Variants in LUZP2 observed in about 807,000 individuals in gnomAD.
LUZP2 encodes the protein leucine zipper protein 2.
In LUZP2, 52 loss-of-function variants were observed where a neutral mutation model predicts 51.6. The ratio of observed to expected loss-of-function variants is 1.01; its 90% confidence interval spans 0.81 to 1.27. The LOEUF (loss-of-function observed/expected upper bound fraction) is 1.27, where lower values mean the gene tolerates loss of function less well. LUZP2 is among the 50% of genes most tolerant of loss of function. The pLI is 0.00. For synonymous variants in LUZP2, 154 were observed against 137.3 expected, an observed-to-expected ratio of 1.12 and a Z score of -0.85; for missense variants, 436 against 395.4, an observed-to-expected ratio of 1.10 and a Z score of -0.87.
At chr11:24,726,758 A>G (rs1052904474) in intron 1 of LUZP2, among the ~76,000 whole-genome samples, 1 of 152,140 alleles carries the variant, frequency 6.6e-6, no homozygotes, top group African/African-American at 2.4e-5. Context: ...TCTAAGACAT[A>G]TGAAGCCAGT....
chr11:25,059,291 G>A (rs903859279), intron 10 of LUZP2, among the ~76,000 whole-genome samples: 3 of 152,114 alleles, frequency 2.0e-5, no homozygotes, highest in Non-Finnish European at 4.4e-5. Context: ...ATGAAAATTT[G>A]ACAATGAATT....
intron 4 of LUZP2, among the ~76,000 whole-genome samples, chr11:24,761,197 C>T (rs1859965844): frequency 6.6e-6 from 1 of 152,072 alleles, no homozygotes; most frequent in Non-Finnish European, 1.5e-5. Context: ...GGAAGCATAG[C>T]TGGGGAGGTC....
chr11:25,057,348 T>C (rs1867754), intron 10 of LUZP2, among the ~76,000 whole-genome samples: 55,680 of 151,846 alleles, frequency 0.37, 12,577 homozygotes, highest in East Asian at 0.78. Flanking sequence ...ACTTAGAAAA[T>C]GGCCCTCAGA....
intron 1 of LUZP2, among the ~76,000 whole-genome samples, chr11:24,551,397 AAT>A (rs1210726097): frequency 6.6e-6 from 1 of 152,078 alleles, no homozygotes; most frequent in Non-Finnish European, 1.5e-5. Flanking sequence ...AGTCCATAAG[AAT>A]ATAAAATGAT....
At chr11:25,064,179 C>G (rs1590890184) in intron 10 of LUZP2, among the ~76,000 whole-genome samples, 1 of 151,960 alleles carries the variant, frequency 6.6e-6, no homozygotes, top group Admixed American at 6.6e-5. Flanking sequence ...TATCATTCCA[C>G]CTGTACTGAT....
intron 5 of LUZP2, among the ~76,000 whole-genome samples, chr11:24,855,698 T>C (rs1008312323): frequency 1.3e-5 from 2 of 152,158 alleles, no homozygotes; most frequent in East Asian, 1.9e-4. Flanking sequence ...GAAGGCATCG[T>C]ATTACCTGAT....
chr11:24,878,460 G>A (rs557722310), intron 5 of LUZP2, among the ~76,000 whole-genome samples: 1 of 152,054 alleles, frequency 6.6e-6, no homozygotes, highest in African/African-American at 2.4e-5. Context: ...TTCTCTTGCT[G>A]CTTTTAGGAT....
At chr11:24,779,337 G>A (rs1221122010) in intron 5 of LUZP2, among the ~76,000 whole-genome samples, 1 of 152,122 alleles carries the variant, frequency 6.6e-6, no homozygotes, top group Non-Finnish European at 1.5e-5. Context: ...AAAAATAAAT[G>A]TCATGGGTAG....
chr11:24,999,077 C>T (rs1014897544), intron 9 of LUZP2, among the ~76,000 whole-genome samples: 8 of 151,992 alleles, frequency 5.3e-5, no homozygotes, highest in African/African-American at 1.9e-4. Flanking sequence ...GTCATTGAGC[C>T]CTTATCACAT....
At chr11:24,726,699 T>C (rs1190683125) in intron 1 of LUZP2, among the ~76,000 whole-genome samples, 2 of 152,190 alleles carry the variant, frequency 1.3e-5, no homozygotes, top group Middle Eastern at 3.4e-3. Flanking sequence ...GGTAAAAATA[T>C]ATTCAAGTAC....
chr11:24,972,909 C>T (rs1358490466), intron 7 of LUZP2, among the ~76,000 whole-genome samples: 2 of 151,928 alleles, frequency 1.3e-5, no homozygotes, highest in Admixed American at 6.6e-5. Flanking sequence ...ATGTCTGCCA[C>T]GTTTTGGTGT....
At chr11:24,563,320 G>C (rs1852114388) in intron 1 of LUZP2, among the ~76,000 whole-genome samples, 1 of 152,058 alleles carries the variant, frequency 6.6e-6, no homozygotes, top group Non-Finnish European at 1.5e-5. Flanking sequence ...CAAAATGTTG[G>C]CTTATGTTTT....
At position 24,703,451 on chromosome 11, in the gene LUZP2, A is replaced by C. The variant is rs77492212; in HGVS notation, c.63-25718A>C. On this transcript the variant is annotated intron_variant, in intron 1 of 11. Transcript: ENST00000336930. ...CCTGAATAGCCTGATTTTAGATTTCATTCAGAACAATGATGAAAAATACTA... is the reference window on the plus strand; with the variant it reads ...CCTGAATAGCCTGATTTTAGATTTCCTTCAGAACAATGATGAAAAATACTA... 8.1e-3 allele frequency among the ~76,000 whole-genome samples: 1,240 copies of C among 152,316 alleles called. 26 individuals carry two copies. The highest frequency in any genetic ancestry group is 0.027 in the African/African-American group (1,122 of 41,570).
chr11:24,544,872 C>T (rs184744275), intron 1 of LUZP2, among the ~76,000 whole-genome samples: 1 of 152,198 alleles, frequency 6.6e-6, no homozygotes, highest in Non-Finnish European at 1.5e-5. Context: ...CACTGTTTTC[C>T]ACAATGGCTG....
intron 9 of LUZP2, among the ~76,000 whole-genome samples, chr11:25,000,835 A>C (rs7924648): frequency 0.39 from 58,958 of 151,842 alleles, 13,714 homozygotes; most frequent in East Asian, 0.69. Context: ...ACTGCTGCTA[A>C]AGAGTCTATT....
At chr11:24,503,083 C>A (rs1390547867) in intron 1 of LUZP2, among the ~76,000 whole-genome samples, 1 of 152,060 alleles carries the variant, frequency 6.6e-6, no homozygotes, top group African/African-American at 2.4e-5. Flanking sequence ...GCAGCCCAAC[C>A]ATTGTAGTTT....
chr11:24,882,591 C>G (rs529226609), intron 5 of LUZP2, among the ~76,000 whole-genome samples: 2 of 152,030 alleles, frequency 1.3e-5, no homozygotes, highest in East Asian at 3.8e-4. Flanking sequence ...CATAAAATTC[C>G]TTGCTATGTC....
chr11:24,733,684 G>A (rs905751740), intron 3 of LUZP2, among the ~76,000 whole-genome samples: 1 of 151,214 alleles, frequency 6.6e-6, no homozygotes, highest in Non-Finnish European at 1.5e-5. Flanking sequence ...TGGTAAAGAG[G>A]AATAACTTAG....
At chr11:24,799,219 C>G (rs1219651987) in intron 5 of LUZP2, among the ~76,000 whole-genome samples, 3 of 152,116 alleles carry the variant, frequency 2.0e-5, no homozygotes, top group Non-Finnish European at 4.4e-5. Context: ...AAAGGATTCC[C>G]ACAGGTAGGA....
Sources: allele counts gnomAD v4.1 joint callset (sites outside exome capture counted in the v4.1 genomes callset), GRCh38; gene constraint gnomAD v4.1.1; transcripts MANE v1.5; gene names NCBI Gene and HGNC (gene_info 2026-07-23, HGNC 2026-07-21).